Variants in CMSS1 observed in about 807,000 individuals in gnomAD.
CMSS1 encodes the protein protein CMSS1.
CMSS1 carries 33 observed loss-of-function variants against 43.5 expected under a neutral mutation model. That is an observed-to-expected ratio of 0.76 (90% CI 0.57 to 1.01). CMSS1 has a LOEUF of 1.01. Among genes scored for constraint, CMSS1 ranks in the 50% least tolerant of loss-of-function variants. The pLI is 0.00. For missense variants in CMSS1, 313 were observed against 326.4 expected, an observed-to-expected ratio of 0.96 and a Z score of 0.32; for synonymous variants, 115 against 117.2, an observed-to-expected ratio of 0.98 and a Z score of 0.12.
At chr3:100,011,824 G>A (rs1710165514) in intron 1 of CMSS1, 1 of 152,050 alleles carries the variant, frequency 6.6e-6, no homozygotes, top group Admixed American at 6.6e-5. Context: ...AAGGATGAGT[G>A]GCTGAATGGT....
intron 1 of CMSS1, among the ~76,000 whole-genome samples, chr3:100,079,245 TAA>T (rs1370511132): frequency 2.0e-5 from 3 of 152,178 alleles, no homozygotes; most frequent in Non-Finnish European, 4.4e-5. Flanking sequence ...CCCAAAGTGG[TAA>T]AGAGTTACTA....
intron 2 of CMSS1, among the ~76,000 whole-genome samples, chr3:100,153,064 T>C (rs1291316663): frequency 1.3e-5 from 2 of 152,200 alleles, no homozygotes; most frequent in Admixed American, 1.3e-4. Context: ...TAATATACAA[T>C]AAATGTACAA....
chr3:99,887,670 A>G (rs1411684818), intron 1 of CMSS1, among the ~76,000 whole-genome samples: 2 of 152,220 alleles, frequency 1.3e-5, no homozygotes, highest in African/African-American at 2.4e-5. Flanking sequence ...AATTTCTTAT[A>G]TAAGTACAAT....
In CMSS1 at chr3:99,934,564, C is replaced by T. The variant is rs6787184; in HGVS notation, c.64+116521C>T. ...ATGAGAATTTCTCTGCCCTCATCAA[C>T]TTAATCTAGGATATCCCTTCCAGAA... On this transcript the variant is annotated intron_variant, in intron 1 of 9. Coordinates refer to ENST00000421999, the MANE Select transcript of CMSS1 (RefSeq NM_032359.4). 4.3e-3 allele frequency among the ~76,000 whole-genome samples: 662 copies of T among 152,290 alleles called. 7 individuals carry two copies. The highest frequency in any genetic ancestry group is 0.016 in the African/African-American group (649 of 41,546).
chr3:100,072,153 C>A (rs1355507169), intron 1 of CMSS1, among the ~76,000 whole-genome samples: 1 of 152,194 alleles, frequency 6.6e-6, no homozygotes, highest in Admixed American at 6.5e-5. Context: ...AAACACTAGG[C>A]AATATGCTGT....
At chr3:100,157,856 A>T (rs974412550) in intron 2 of CMSS1, among the ~76,000 whole-genome samples, 6 of 152,152 alleles carry the variant, frequency 3.9e-5, no homozygotes, top group Non-Finnish European at 8.8e-5. Context: ...TCTAAATATA[A>T]ACTTTCAGCC....
chr3:100,140,426 T>C (rs1252173661), intron 1 of CMSS1, among the ~76,000 whole-genome samples: 1 of 152,160 alleles, frequency 6.6e-6, no homozygotes, highest in Non-Finnish European at 1.5e-5. Flanking sequence ...AATGTTAAAA[T>C]AAATAAAATC....
chr3:100,176,294 T>G, intron 8 of CMSS1, 33 bp from the exon 9 acceptor site: 1 of 1,430,342 alleles, frequency 7.0e-7, no homozygotes. Flanking sequence ...CATGAGGTCT[T>G]TACTACAGCA....
Position 99,966,644 on chromosome 3 carries a change from T to A in CMSS1, c.64+148601T>A, listed in dbSNP as rs192776728. Among the ~76,000 whole-genome samples the A allele has an allele frequency of 5.7e-3, 874 of 152,290 alleles. 6 individuals are homozygous for A. Among genetic ancestry groups the A allele is most frequent in the Non-Finnish European group, 9.8e-3 (664 of 68,018 alleles). ...TACAGTTTGATTTAAGATGCCACAT[T>A]TACATGGCATTTTCAACCTTCAAAC... On this transcript the variant is annotated intron_variant, in intron 1 of 9. Coordinates refer to ENST00000421999, the MANE Select transcript of CMSS1 (RefSeq NM_032359.4).
chr3:99,955,322 A>G lies in CMSS1; in HGVS notation c.64+137279A>G, dbSNP rs115091573. On this transcript the variant is annotated intron_variant, in intron 1 of 9. Coordinates refer to ENST00000421999, the MANE Select transcript of CMSS1 (RefSeq NM_032359.4). Reference sequence around the variant, plus strand: ...GAGTTGTAAATGACAAGGAGTATAAACAGAGACCTACGGAATATTTGTTTC... The same window carrying G: ...GAGTTGTAAATGACAAGGAGTATAAGCAGAGACCTACGGAATATTTGTTTC... 3.0e-3 allele frequency among the ~76,000 whole-genome samples: 451 copies of G among 152,378 alleles called. 2 individuals carry two copies. Among genetic ancestry groups the G allele is most frequent in the African/African-American group, 0.011 (437 of 41,594 alleles).
intron 1 of CMSS1, among the ~76,000 whole-genome samples, chr3:100,081,139 T>C (rs2065925551): frequency 6.6e-6 from 1 of 152,158 alleles, no homozygotes; most frequent in Non-Finnish European, 1.5e-5. Flanking sequence ...TTGAAAAGAA[T>C]TGCAGAACTT....
chr3:99,915,843 T>C (rs1706933634), intron 1 of CMSS1, among the ~76,000 whole-genome samples: 1 of 152,238 alleles, frequency 6.6e-6, no homozygotes, highest in East Asian at 1.9e-4. Flanking sequence ...GTCTCCCCTA[T>C]ACTAAACAAT....
chr3:99,891,099 A>G (rs954863038), intron 1 of CMSS1, among the ~76,000 whole-genome samples: 1 of 150,850 alleles, frequency 6.6e-6, no homozygotes, highest in Non-Finnish European at 1.5e-5. Context: ...TGAATCTGCA[A>G]ATTCTCGTGT....
At chr3:100,008,733 T>G (rs1490691303) in intron 1 of CMSS1, among the ~76,000 whole-genome samples, 1 of 152,256 alleles carries the variant, frequency 6.6e-6, no homozygotes, top group African/African-American at 2.4e-5. Context: ...CTTGCTTCTC[T>G]TACTGTTATA....
intron 1 of CMSS1, among the ~76,000 whole-genome samples, chr3:100,080,610 T>G (rs1014842507): frequency 6.6e-6 from 1 of 152,168 alleles, no homozygotes; most frequent in African/African-American, 2.4e-5. Context: ...ACTGGTTAGG[T>G]ATGAAGGAGT....
intron 1 of CMSS1, among the ~76,000 whole-genome samples, chr3:100,044,557 T>C (rs2065251088): frequency 6.6e-6 from 1 of 152,070 alleles, no homozygotes; most frequent in Non-Finnish European, 1.5e-5. Context: ...AAAGTCAAGC[T>C]AGACTAGAGC....
At chr3:100,085,623 G>T (rs900297477) in intron 1 of CMSS1, among the ~76,000 whole-genome samples, 2 of 152,042 alleles carry the variant, frequency 1.3e-5, no homozygotes, top group African/African-American at 4.8e-5. Context: ...ACATCCTCAA[G>T]CTTACAGGCT....
At chr3:99,983,468 A>ATG (rs1559713737) in intron 1 of CMSS1, among the ~76,000 whole-genome samples, 13 of 6,366 alleles carry the variant, frequency 2.0e-3, no homozygotes, top group Admixed American at 3.4e-3. Context: ...ATGTGTGTAT[A>ATG]TATATATATA....
intron 1 of CMSS1, among the ~76,000 whole-genome samples, chr3:99,892,254 G>A (rs542308232): frequency 3.5e-4 from 54 of 152,322 alleles, no homozygotes; most frequent in African/African-American, 1.2e-3. Flanking sequence ...GGAGAACCAT[G>A]TAATGTGAGG....
Sources: allele counts gnomAD v4.1 joint callset (sites outside exome capture counted in the v4.1 genomes callset), GRCh38; gene constraint gnomAD v4.1.1; transcripts MANE v1.5; gene names NCBI Gene and HGNC (gene_info 2026-07-23, HGNC 2026-07-21).